RNF216: variants seen among roughly 807,000 people sequenced by gnomAD.
The protein encoded by RNF216 is ring finger protein 216, also known as E3 ubiquitin-protein ligase RNF216.
RNF216 carries 72 observed loss-of-function variants against 110.8 expected under a neutral mutation model. The observed-to-expected ratio is 0.65, with a 90% CI of 0.54 to 0.79. RNF216 has a LOEUF of 0.79. Ranked by LOEUF, RNF216 falls within the 30% of genes least tolerant of loss-of-function variation. The pLI is 0.00. For missense variants in RNF216, 1,342 were observed against 1,141.2 expected (o/e 1.18, Z -2.54); for synonymous variants, 495 against 407.5 (o/e 1.21, Z -2.59).
intron 13 of RNF216, among the ~76,000 whole-genome samples, chr7:5,668,384 C>A (rs969356000): frequency 6.6e-6 from 1 of 152,004 alleles, no homozygotes; most frequent in Non-Finnish European, 1.5e-5. Context: ...CCACCACGCC[C>A]GGCTAATGTT....
chr7:5,724,352 A>G (rs929279948), intron 8 of RNF216, among the ~76,000 whole-genome samples: 1 of 152,230 alleles, frequency 6.6e-6, no homozygotes, highest in Non-Finnish European at 1.5e-5. Flanking sequence ...GAACTGTCTA[A>G]AAGACAGAGC....
intron 1 of RNF216, among the ~76,000 whole-genome samples, chr7:5,773,222 A>T (rs1353423559): frequency 1.3e-5 from 2 of 151,878 alleles, no homozygotes; most frequent in Non-Finnish European, 2.9e-5. Flanking sequence ...CATCTAATCA[A>T]GTCCTTTTTT....
In RNF216 at chr7:5,716,715, C is replaced by A; in HGVS notation, c.1695+1G>T. 1 of 1,583,772 alleles carries A rather than the reference C, an allele frequency of 6.3e-7. No homozygotes were observed. The highest frequency in any genetic ancestry group is 8.6e-7 in the Non-Finnish European group (1 of 1,162,300). On this transcript the variant is annotated splice_donor_variant, in intron 10 of 16. Transcript: ENST00000389902. LOFTEE classifies it high-confidence loss of function. ...ATAAACAAGGTGAGATTTCAAACTA[C>A]CTTTTGATACTGTTCTTCATTCATC... is the stretch of plus-strand genomic sequence containing the variant.
chr7:5,721,409 T>C (rs1001102864), intron 8 of RNF216, among the ~76,000 whole-genome samples: 5 of 152,230 alleles, frequency 3.3e-5, no homozygotes, highest in African/African-American at 1.2e-4. Context: ...TTGGAAGGCA[T>C]CTCCTATCCT....
intron 5 of RNF216, 49 bp downstream of exon 5, chr7:5,739,227 T>A: frequency 6.8e-7 from 1 of 1,481,250 alleles, no homozygotes; most frequent in Non-Finnish European, 9.0e-7. Flanking sequence ...ATTACATATA[T>A]TTTACCACCA....
rs10239590 is a variant in RNF216 at position 5,721,015 on chromosome 7, C to G, written c.1644+18G>C. 6.2e-7 allele frequency: 1 copy of G among 1,613,780 alleles called. No individual in the cohort carries two copies. The highest frequency in any genetic ancestry group is 1.3e-5 in the African/African-American group (1 of 75,040). ...GAATCCCAGAAACACACCCCAAGAC[C>G]AGAGCACATCTTCCTACCTCTGCCA... On this transcript the variant is annotated intron_variant, in intron 9 of 16. Transcript: ENST00000389902.
At chr7:5,688,890 T>C (rs1791151419) in intron 13 of RNF216, among the ~76,000 whole-genome samples, 1 of 152,230 alleles carries the variant, frequency 6.6e-6, no homozygotes, top group Non-Finnish European at 1.5e-5. Flanking sequence ...CAAAGCACTG[T>C]GTTCTTCAAT....
chr7:5,725,431 G>C lies in RNF216; in HGVS notation c.1397C>G (p.Ser466Cys), dbSNP rs778272977. 1.3e-5 allele frequency: 20 copies of C among 1,592,550 alleles called. No homozygotes were observed. The highest frequency in any genetic ancestry group is 5.1e-5 in the Admixed American group (3 of 59,202). ...CTCCTGCCATTTTTTAATGGCATCA[G>C]ACAAGGCCTAAAAATTGAGAAAAGG... Reference protein sequence around the residue: ...GHYAITRKALSDAIKKWQELS... With the variant: ...GHYAITRKALCDAIKKWQELS... Residue 466 changes from serine (S) to cysteine (C), a missense_variant, in exon 8 of 17, where the codon TCT (serine) becomes TGT (cysteine). Ser to Cys is a moderately radical substitution (Grantham distance 112, BLOSUM62 -1). Transcript: ENST00000389902.
chr7:5,724,617 T>C (rs145049113), intron 8 of RNF216, among the ~76,000 whole-genome samples: 226 of 152,336 alleles, frequency 1.5e-3, no homozygotes, highest in African/African-American at 5.3e-3. Flanking sequence ...GGATTTTCTT[T>C]TAGAGCCTGA....
In RNF216 at chr7:5,622,831, T is replaced by G. The variant is rs765356095; in HGVS notation, c.*29A>C. The G allele has an allele frequency of 1.3e-6, 2 of 1,566,090 alleles. No individual in the cohort carries two copies. The highest frequency in any genetic ancestry group is 1.7e-6 in the Non-Finnish European group (2 of 1,152,402). Reference sequence around the variant, plus strand: ...TCCACACTCCTACCCCAAACGGGCTTTGTGCTGCTCAATGGGGATTCGGGG... The same window carrying G: ...TCCACACTCCTACCCCAAACGGGCTGTGTGCTGCTCAATGGGGATTCGGGG... On this transcript the variant is annotated 3_prime_UTR_variant, in exon 17 of 17. Transcript: ENST00000389902.
intron 3 of RNF216, among the ~76,000 whole-genome samples, chr7:5,748,584 A>G (rs1795158573): frequency 6.6e-6 from 1 of 150,700 alleles, no homozygotes; most frequent in African/African-American, 2.4e-5. Flanking sequence ...ACTTTATTAT[A>G]AGAATGCAGT....
At chr7:5,758,531 G>T (rs1795763227) in intron 2 of RNF216, among the ~76,000 whole-genome samples, 1 of 152,166 alleles carries the variant, frequency 6.6e-6, no homozygotes, top group South Asian at 2.1e-4. Flanking sequence ...GAGACAGCAG[G>T]ACTGCACGAG....
intron 13 of RNF216, among the ~76,000 whole-genome samples, chr7:5,700,477 G>A (rs1407497179): frequency 6.6e-6 from 1 of 152,206 alleles, no homozygotes; most frequent in Non-Finnish European, 1.5e-5. Context: ...ACAGAAAAAT[G>A]TCATTAAATT....
intron 12 of RNF216, among the ~76,000 whole-genome samples, chr7:5,712,127 G>A (rs942760544): frequency 6.6e-6 from 1 of 152,174 alleles, no homozygotes; most frequent in African/African-American, 2.4e-5. Flanking sequence ...CCAGCCCAGG[G>A]CACCATGATT....
chr7:5,731,531 A>G (rs570551791), intron 5 of RNF216, among the ~76,000 whole-genome samples: 1 of 151,610 alleles, frequency 6.6e-6, no homozygotes, highest in South Asian at 2.1e-4. Context: ...CAGACCCAAC[A>G]CATGTTAACT....
chr7:5,653,534 G>A (rs901594352), intron 13 of RNF216, among the ~76,000 whole-genome samples: 1 of 144,410 alleles, frequency 6.9e-6, no homozygotes, highest in African/African-American at 2.6e-5. Context: ...CCGGGAGGCG[G>A]AGCTTGCAGT....
rs907420661 is a variant in RNF216 at position 5,624,114 on chromosome 7, C to A, written c.2394G>T (p.Glu798Asp). Reference sequence around the variant, plus strand: ...CCTTCTGGATTTCCTCAATAAGCTTCTCATCATCTTCCTAAAACGCAAGCA... The same window carrying A: ...CCTTCTGGATTTCCTCAATAAGCTTATCATCATCTTCCTAAAACGCAAGCA... ...SLWTDPTEDD[E>D]KLIEEIQKEA... The change falls in exon 16 of 17, where the codon GAG becomes GAT. Residue 798 changes from glutamate (E) to aspartate (D), a missense_variant. Coordinates refer to ENST00000389902, the MANE Select transcript of RNF216 (RefSeq NM_207111.4). The surrounding 1 kb of genome is among the most constrained non-coding windows in gnomAD (Gnocchi z 4.4). The A allele has an allele frequency of 1.9e-6, 3 of 1,613,660 alleles. No individual in the cohort carries two copies. The highest frequency in any genetic ancestry group is 1.3e-5 in the African/African-American group (1 of 75,058).
chr7:5,755,278 C>T (rs1320884014), intron 2 of RNF216, among the ~76,000 whole-genome samples: 1 of 151,588 alleles, frequency 6.6e-6, no homozygotes, highest in African/African-American at 2.4e-5. Flanking sequence ...AACCTATCAC[C>T]TTATAATAAA....
chr7:5,777,220 T>C (rs1169706832), intron 1 of RNF216, among the ~76,000 whole-genome samples: 2 of 152,182 alleles, frequency 1.3e-5, no homozygotes, highest in East Asian at 3.8e-4. Context: ...TGACAACATG[T>C]CGACCAGAGA....
Sources: allele counts gnomAD v4.1 joint callset (sites outside exome capture counted in the v4.1 genomes callset), GRCh38; gene constraint gnomAD v4.1.1; non-coding constraint Gnocchi (gnomAD v3.1); transcripts MANE v1.5; gene names NCBI Gene and HGNC (gene_info 2026-07-23, HGNC 2026-07-21).